GRM7: variants seen among roughly 807,000 people sequenced by gnomAD.
GRM7 encodes glutamate metabotropic receptor 7, also known as metabotropic glutamate receptor 7.
In GRM7, 35 loss-of-function variants were observed where a neutral mutation model predicts 84.5. The ratio of observed to expected loss-of-function variants is 0.41; its 90% CI spans 0.32 to 0.55. The LOEUF (loss-of-function observed/expected upper bound fraction) is 0.55. GRM7 is among the 20% of genes least tolerant of loss of function. The pLI is 0.19. For synonymous variants in GRM7, 487 were observed against 455.1 expected (o/e 1.07, Z -0.89); for missense variants, 1,003 against 1,194.6 (o/e 0.84, Z 2.36).
intron 1 of GRM7, among the ~76,000 whole-genome samples, chr3:7,117,340 AG>A (rs1553619271): frequency 2.6e-5 from 4 of 152,202 alleles, no homozygotes; most frequent in Non-Finnish European, 5.9e-5. Context: ...CAAATAATAC[AG>A]GTCTTGCCTA....
chr3:7,126,713 C>A (rs62236059), intron 1 of GRM7, among the ~76,000 whole-genome samples: 33,306 of 151,934 alleles, frequency 0.22, 3,881 homozygotes, highest in Non-Finnish European at 0.26. Flanking sequence ...TCGTGAGAAA[C>A]CATTTAGGTT....
At chr3:6,929,662 A>G (rs17693618) in intron 1 of GRM7, among the ~76,000 whole-genome samples, 11,696 of 152,266 alleles carry the variant, frequency 0.077, 503 homozygotes, top group Middle Eastern at 0.11. Flanking sequence ...TTGACTGTCA[A>G]TAAGATGCAT....
At chr3:7,534,565 C>T (rs1575464409) in intron 7 of GRM7, among the ~76,000 whole-genome samples, 1 of 152,142 alleles carries the variant, frequency 6.6e-6, no homozygotes, top group African/African-American at 2.4e-5. Flanking sequence ...AATAACATTT[C>T]CAAGGCCCCA....
intron 4 of GRM7, among the ~76,000 whole-genome samples, chr3:7,308,566 C>T (rs909834261): frequency 2.0e-5 from 3 of 152,132 alleles, no homozygotes; most frequent in African/African-American, 7.2e-5. Flanking sequence ...CCAGAAGTTG[C>T]ATTGCAAAGG....
At chr3:7,140,471 A>C (rs1379491762) in intron 1 of GRM7, among the ~76,000 whole-genome samples, 1 of 152,022 alleles carries the variant, frequency 6.6e-6, no homozygotes, top group African/African-American at 2.4e-5. Flanking sequence ...GATGTGCTTA[A>C]AGTGAATTCC....
chr3:7,468,395 G>C (rs1698548934), intron 7 of GRM7, among the ~76,000 whole-genome samples: 1 of 152,152 alleles, frequency 6.6e-6, no homozygotes, highest in South Asian at 2.1e-4. Flanking sequence ...AAATGGATCT[G>C]AGTCTCAGTT....
At chr3:6,909,397 A>T (rs1340172665) in intron 1 of GRM7, among the ~76,000 whole-genome samples, 2 of 152,122 alleles carry the variant, frequency 1.3e-5, no homozygotes, top group Non-Finnish European at 2.9e-5. Flanking sequence ...CTTTCTAATT[A>T]TCTGGTGTCA....
intron 1 of GRM7, among the ~76,000 whole-genome samples, chr3:7,000,640 T>C (rs1255602059): frequency 6.6e-6 from 1 of 152,216 alleles, no homozygotes; most frequent in African/African-American, 2.4e-5. Flanking sequence ...CCCCAGATCT[T>C]AGTGGCTCAC....
chr3:7,483,851 A>G (rs1412535095), intron 7 of GRM7, among the ~76,000 whole-genome samples: 1 of 152,044 alleles, frequency 6.6e-6, no homozygotes, highest in African/African-American at 2.4e-5. Flanking sequence ...TAGGAATATT[A>G]TAAAACACGC....
intron 1 of GRM7, among the ~76,000 whole-genome samples, chr3:6,864,569 A>G (rs1694878565): frequency 6.6e-6 from 1 of 152,168 alleles, no homozygotes. Context: ...TCCTACATAA[A>G]AGAAACTCCT....
intron 2 of GRM7, among the ~76,000 whole-genome samples, chr3:7,183,332 G>GA (rs1695406485): frequency 6.6e-6 from 1 of 152,096 alleles, no homozygotes; most frequent in Non-Finnish European, 1.5e-5. Context: ...AATAAGGATA[G>GA]AAAAAATAAT....
chr3:7,491,412 G>GTGTA (rs1553605916), intron 7 of GRM7, among the ~76,000 whole-genome samples: 3 of 149,774 alleles, frequency 2.0e-5, no homozygotes, highest in Admixed American at 2.0e-4. Flanking sequence ...GATTTAGATG[G>GTGTA]TATATATATA....
At chr3:7,060,299 G>A (rs1288932227) in intron 1 of GRM7, among the ~76,000 whole-genome samples, 3 of 151,768 alleles carry the variant, frequency 2.0e-5, no homozygotes, top group Non-Finnish European at 4.4e-5. Context: ...TATTGGAAAC[G>A]GCTTTCTAAC....
chr3:7,567,681 G>T (rs1694372380), intron 7 of GRM7, among the ~76,000 whole-genome samples: 3 of 140,770 alleles, frequency 2.1e-5, no homozygotes, highest in Admixed American at 1.5e-4. Flanking sequence ...CCGGGAGGCA[G>T]AGGTTGCAGT....
At chr3:7,701,681 C>T (rs1476861989) in intron 9 of GRM7, among the ~76,000 whole-genome samples, 1 of 152,110 alleles carries the variant, frequency 6.6e-6, no homozygotes, top group Non-Finnish European at 1.5e-5. Flanking sequence ...ATGGTAGGAG[C>T]TTCACTCAGA....
intron 1 of GRM7, among the ~76,000 whole-genome samples, chr3:6,996,087 C>T (rs1045122167): frequency 2.0e-4 from 30 of 151,866 alleles, no homozygotes; most frequent in East Asian, 7.8e-4. Context: ...CTTGCTCTGT[C>T]ACCCAGGCTG....
chr3:7,375,309 C>A lies in GRM7; in HGVS notation c.1034-39714C>A, dbSNP rs549908634. Among the ~76,000 whole-genome samples, 6 of 150,896 alleles carry A rather than the reference C, an allele frequency of 4.0e-5. No homozygotes were observed. The South Asian group carries it at 1.3e-3, about 32-fold the overall frequency. On this transcript the variant is annotated intron_variant, in intron 4 of 9. Coordinates refer to ENST00000357716, the MANE Select transcript of GRM7 (RefSeq NM_000844.4). Reference sequence around the variant, plus strand: ...TCTCGGCTCACCGCAACCTCTGCCTCCCAGGTTCAAGCTATTCTCCTGCCT... The same window carrying A: ...TCTCGGCTCACCGCAACCTCTGCCTACCAGGTTCAAGCTATTCTCCTGCCT...
intron 1 of GRM7, among the ~76,000 whole-genome samples, chr3:7,006,583 C>A (rs2124885956): frequency 6.6e-6 from 1 of 152,246 alleles, no homozygotes; most frequent in South Asian, 2.1e-4. Flanking sequence ...GCTAACAAAT[C>A]CTTTTTCTCC....
At chr3:7,186,638 A>G (rs1272832304) in intron 2 of GRM7, among the ~76,000 whole-genome samples, 1 of 152,100 alleles carries the variant, frequency 6.6e-6, no homozygotes, top group African/African-American at 2.4e-5. Context: ...TGTCTATCTA[A>G]TCTATCTATC....
Sources: gnomAD v4.1 joint callset for allele counts (sites outside exome capture counted in the v4.1 genomes callset) on GRCh38, gnomAD v4.1.1 for gene constraint, MANE v1.5 for transcripts, NCBI Gene and HGNC (gene_info 2026-07-23, HGNC 2026-07-21) for gene names.